LRRC20: variants seen among roughly 807,000 people sequenced by gnomAD.
LRRC20 encodes the protein leucine-rich repeat-containing protein 20.
In LRRC20, 11 loss-of-function variants were observed where a neutral mutation model predicts 14.4. The observed-to-expected ratio is 0.77, with a 90% CI of 0.48 to 1.27. The LOEUF (loss-of-function observed/expected upper bound fraction) is 1.27, where lower values mean the gene tolerates loss of function less well. Among genes scored for constraint, LRRC20 ranks in the 50% most tolerant of loss-of-function variants. LRRC20 has a pLI of 0.00. For synonymous variants in LRRC20, 121 were observed against 107.3 expected, an observed-to-expected ratio of 1.13 and a Z score of -0.79; for missense variants, 219 against 251.2, an observed-to-expected ratio of 0.87 and a Z score of 0.87.
chr10:70,339,545 C>G (rs1377258045), intron 3 of LRRC20, among the ~76,000 whole-genome samples: 2 of 152,166 alleles, frequency 1.3e-5, no homozygotes, highest in Admixed American at 6.5e-5. Flanking sequence ...CCTAGGCTTC[C>G]TGTGCCCTCC....
intron 1 of LRRC20, 55 bp from the exon 2 acceptor site, chr10:70,376,651 G>A: frequency 6.6e-6 from 6 of 910,942 alleles, no homozygotes; most frequent in Non-Finnish European, 6.9e-6. Context: ...GGCCCACCCA[G>A]GCATCCCCCT....
chr10:70,376,576 T>A lies in LRRC20; in HGVS notation c.-43A>T, dbSNP rs1421533796. ...GCCGCCAGCCCCCAGGCTGGTCTGC[T>A]TCTCACAAAAGGGCCTGAGCCTGGG... is the stretch of plus-strand genomic sequence containing the variant. On this transcript the variant is annotated 5_prime_UTR_variant, in exon 2 of 5. In the 5' UTR this introduces an upstream ATG that the reference lacks. Transcript: ENST00000446961. 1.9e-6 allele frequency: 3 copies of A among 1,592,498 alleles called. No homozygotes were observed. Among genetic ancestry groups the A allele is most frequent in the Non-Finnish European group, 2.6e-6 (3 of 1,165,062 alleles).
chr10:70,326,297 TACACACAC>T (rs3998644), intron 3 of LRRC20, among the ~76,000 whole-genome samples: 35 of 140,382 alleles, frequency 2.5e-4, no homozygotes, highest in African/African-American at 6.5e-4. Flanking sequence ...CGCCTCTGTG[TACACACAC>T]ACACACACAC....
At chr10:70,324,094 C>A in intron 3 of LRRC20, 64 bp from the exon 4 acceptor site, 1 of 1,496,528 alleles carries the variant, frequency 6.7e-7, no homozygotes, top group Non-Finnish European at 9.2e-7. Context: ...ACCACAGTGA[C>A]TGCCCGCTGT....
intron 3 of LRRC20, among the ~76,000 whole-genome samples, chr10:70,333,979 GTC>G (rs1426901174): frequency 6.6e-6 from 1 of 152,080 alleles, no homozygotes; most frequent in African/African-American, 2.4e-5. Flanking sequence ...GTTAAATCCT[GTC>G]TCTACTAAAA....
intron 3 of LRRC20, among the ~76,000 whole-genome samples, chr10:70,338,190 T>C (rs1360901806): frequency 6.6e-6 from 1 of 152,196 alleles, no homozygotes; most frequent in Non-Finnish European, 1.5e-5. Context: ...CTATGTAGAC[T>C]AATCCCTCCT....
chr10:70,361,048 TAA>T (rs71472958), intron 2 of LRRC20, among the ~76,000 whole-genome samples: 29 of 122,782 alleles, frequency 2.4e-4, no homozygotes, highest in Admixed American at 4.1e-4. Context: ...ACCCCATCTC[TAA>T]AAAAAAAAAA....
intron 1 of LRRC20, among the ~76,000 whole-genome samples, chr10:70,378,697 A>C (rs1481169752): frequency 6.7e-6 from 1 of 149,916 alleles, no homozygotes; most frequent in Non-Finnish European, 1.5e-5. Context: ...ACTTGAACCC[A>C]GGAGGCAGAG....
chr10:70,340,430 T>C (rs1443879474), intron 3 of LRRC20, 123 bp downstream of exon 3: 2 of 1,164,264 alleles, frequency 1.7e-6, no homozygotes, highest in East Asian at 2.4e-5. Flanking sequence ...AGTCAACCCA[T>C]GGGAATGATT....
chr10:70,352,791 C>T (rs1273605240), intron 2 of LRRC20, among the ~76,000 whole-genome samples: 1 of 152,088 alleles, frequency 6.6e-6, no homozygotes, highest in Admixed American at 6.6e-5. Flanking sequence ...CCATCTTAAC[C>T]ATTTTTAAAT....
chr10:70,303,025 GA>G (rs59254450), intron 4 of LRRC20, among the ~76,000 whole-genome samples: 58 of 145,664 alleles, frequency 4.0e-4, no homozygotes, highest in African/African-American at 1.3e-3. Context: ...TTTCTTAAAA[GA>G]AAAAAAAAAG....
Position 70,309,999 on chromosome 10 carries a change from C to G in LRRC20, c.401-8491G>C, listed in dbSNP as rs539714531. Among the ~76,000 whole-genome samples the G allele has an allele frequency of 5.3e-5, 8 of 152,358 alleles. No individual in the cohort carries two copies. In the South Asian group the frequency reaches 1.7e-3, roughly 32 times the overall value. ...GGGTCTGTGGCATTCTCTGAACCAC[C>G]CTACTGAAGGCCAGTAATAGCTTTC... On this transcript the variant is annotated intron_variant, in intron 4 of 4. Transcript: ENST00000446961.
At chr10:70,338,833 G>T (rs1222021691) in intron 3 of LRRC20, among the ~76,000 whole-genome samples, 4 of 152,126 alleles carry the variant, frequency 2.6e-5, no homozygotes, top group African/African-American at 7.2e-5. Context: ...GCTAATTTTT[G>T]TATTTTTAGT....
intron 2 of LRRC20, among the ~76,000 whole-genome samples, chr10:70,367,562 G>A (rs1315947770): frequency 6.6e-6 from 1 of 152,004 alleles, no homozygotes; most frequent in Non-Finnish European, 1.5e-5. Flanking sequence ...TGGATGAATC[G>A]CAAACACGTG....
intron 4 of LRRC20, among the ~76,000 whole-genome samples, chr10:70,317,784 A>G (rs541038284): frequency 1.3e-5 from 2 of 152,318 alleles, no homozygotes; most frequent in African/African-American, 4.8e-5. Flanking sequence ...GTGAGCCCAG[A>G]GGAAGTTCTG....
chr10:70,353,529 T>C (rs1843402342), intron 2 of LRRC20, among the ~76,000 whole-genome samples: 1 of 141,326 alleles, frequency 7.1e-6, no homozygotes, highest in Non-Finnish European at 1.6e-5. Flanking sequence ...GTGAGTCTCC[T>C]GCCTCAGCCT....
intron 2 of LRRC20, among the ~76,000 whole-genome samples, chr10:70,355,749 T>A (rs1843494141): frequency 6.6e-6 from 1 of 152,172 alleles, no homozygotes; most frequent in Admixed American, 6.5e-5. Flanking sequence ...ATGTTTTTCC[T>A]CAAACGCCCA....
intron 1 of LRRC20, among the ~76,000 whole-genome samples, chr10:70,376,981 C>T (rs533127084): frequency 5.3e-5 from 8 of 152,222 alleles, no homozygotes; most frequent in Non-Finnish European, 2.9e-5. Flanking sequence ...GAGAAAGACA[C>T]CTGTCCCTCC....
chr10:70,324,497 A>T (rs1842241855), intron 3 of LRRC20, among the ~76,000 whole-genome samples: 1 of 152,186 alleles, frequency 6.6e-6, no homozygotes, highest in Admixed American at 6.5e-5. Flanking sequence ...TTTCAGTGTC[A>T]TGTGCCCCTT....
Sources: gnomAD v4.1 joint callset for allele counts (sites outside exome capture counted in the v4.1 genomes callset) on GRCh38, gnomAD v4.1.1 for gene constraint, MANE v1.5 for transcripts, NCBI Gene and HGNC (gene_info 2026-07-23, HGNC 2026-07-21) for gene names.